Variants in GARIN5B observed in about 807,000 individuals in gnomAD.
The protein encoded by GARIN5B is golgi associated RAB2 interactor family member 5B, also known as Golgi-associated RAB2 interactor protein 5B.
chr19:55,363,077 G>C, the GARIN5B span: 1 of 1,494,370 alleles, frequency 6.7e-7, no homozygotes, highest in Non-Finnish European at 8.9e-7. This position sits in a 1 kb window ranked among gnomAD's most constrained non-coding sequence, Gnocchi z 4.0. Flanking sequence ...GGTGGCTGTG[G>C]TGGATGGGTA....
the GARIN5B span, chr19:55,362,711 C>A: frequency 1.3e-6 from 2 of 1,537,622 alleles, no homozygotes; most frequent in East Asian, 2.5e-5. Flanking sequence ...TTCACGAACA[C>A]TGGGCCCCCT....
At chr19:55,359,210 G>T in the GARIN5B span, 1 of 1,551,282 alleles carries the variant, frequency 6.4e-7, no homozygotes. Context: ...TGAGGCAGGC[G>T]GGCTCAGCGC....
chr19:55,358,627 T>C, the GARIN5B span: 1 of 1,551,268 alleles, frequency 6.4e-7, no homozygotes, highest in Non-Finnish European at 8.7e-7. Context: ...TCCCCTCCAG[T>C]AAGGACAGCT....
chr19:55,361,007 C>T, the GARIN5B span: 2 of 1,550,670 alleles, frequency 1.3e-6, no homozygotes, highest in Non-Finnish European at 1.7e-6. Context: ...CACTTCTTTT[C>T]TGCAGGTTTC....
chr19:55,357,506 C>A, the GARIN5B span, among the ~76,000 whole-genome samples: 50 of 152,328 alleles, frequency 3.3e-4, no homozygotes, highest in Non-Finnish European at 4.9e-4. Flanking sequence ...GCTTTCCCCC[C>A]AGATGTCCTC....
chr19:55,357,517 A>G, the GARIN5B span, among the ~76,000 whole-genome samples: 130 of 152,204 alleles, frequency 8.5e-4, no homozygotes, highest in African/African-American at 3.1e-3. Context: ...AGATGTCCTC[A>G]TGGCTTCCTC....
chr19:55,361,300 AG>A, the GARIN5B span: 1 of 1,542,716 alleles, frequency 6.5e-7, no homozygotes, highest in Non-Finnish European at 8.8e-7. Flanking sequence ...GACCTACCCC[AG>A]GAGCTTGTGG....
the GARIN5B span, chr19:55,358,812 C>T: frequency 6.5e-7 from 1 of 1,547,990 alleles, no homozygotes; most frequent in Non-Finnish European, 8.7e-7. Flanking sequence ...CTGCTGTGCT[C>T]CTGGGAGGGG....
At chr19:55,361,224 G>T in the GARIN5B span, 4 of 1,550,978 alleles carry the variant, frequency 2.6e-6, no homozygotes, top group African/African-American at 2.7e-5. Flanking sequence ...GGAAAGTTGC[G>T]CTCAGCAACC....
the GARIN5B span, chr19:55,359,992 A>G: frequency 6.5e-7 from 1 of 1,531,132 alleles, no homozygotes; most frequent in East Asian, 2.5e-5. Context: ...GTAGGTGGAC[A>G]GAGGGGAGAG....
the GARIN5B span, chr19:55,361,041 CTGCGACCAGA>C: frequency 6.4e-7 from 1 of 1,550,818 alleles, no homozygotes; most frequent in Non-Finnish European, 8.7e-7. Flanking sequence ...CATGCTCCAG[CTGCGACCAGA>C]TGAGGGGCAC....
the GARIN5B span, chr19:55,360,765 C>G: frequency 2.6e-6 from 4 of 1,551,710 alleles, no homozygotes; most frequent in Non-Finnish European, 3.5e-6. Context: ...TGATGCTGGT[C>G]TTCTCTGGAT....
At chr19:55,358,196 G>C in the GARIN5B span, 4 of 1,541,326 alleles carry the variant, frequency 2.6e-6, no homozygotes, top group Non-Finnish European at 3.5e-6. Flanking sequence ...CTCTGCCTTG[G>C]TGGCCGTGTT....
At chr19:55,359,076 C>A in the GARIN5B span, 1 of 1,551,372 alleles carries the variant, frequency 6.4e-7, no homozygotes, top group South Asian at 1.2e-5. Context: ...TCCACCACGT[C>A]TGTCTCCTGG....
chr19:55,355,122 G>C, the GARIN5B span: 3 of 412,854 alleles, frequency 7.3e-6, no homozygotes, highest in South Asian at 6.5e-5. Flanking sequence ...AAAGAGCAGC[G>C]GTGGGGTCCG....
the GARIN5B span, chr19:55,362,468 T>C: frequency 2.0e-6 from 3 of 1,538,090 alleles, no homozygotes; most frequent in South Asian, 1.2e-5. Context: ...AGAGAGGTCA[T>C]GGACGCAGAG....
At chr19:55,358,479 G>T in the GARIN5B span, 1 of 1,536,758 alleles carries the variant, frequency 6.5e-7, no homozygotes, top group Non-Finnish European at 8.8e-7. Flanking sequence ...GAGCGAAAGG[G>T]CACCTTGGGT....
the GARIN5B span, chr19:55,358,164 C>A: frequency 6.7e-7 from 1 of 1,499,678 alleles, no homozygotes; most frequent in South Asian, 1.3e-5. Flanking sequence ...AGGTTCAAGA[C>A]GCCCGATTCC....
At chr19:55,359,037 A>C in the GARIN5B span, 170 of 1,550,812 alleles carry the variant, frequency 1.1e-4, 1 homozygote, top group East Asian at 3.3e-3. Context: ...GTGAAGGGCG[A>C]CTCCGGGGAC....
Sources: gnomAD v4.1 joint callset for allele counts (sites outside exome capture counted in the v4.1 genomes callset) on GRCh38, gnomAD v4.1.1 for gene constraint, Gnocchi (gnomAD v3.1) non-coding constraint, MANE v1.5 for transcripts, NCBI Gene and HGNC (gene_info 2026-07-23, HGNC 2026-07-21) for gene names.